The following COL6A6 variants were observed in gnomAD, a reference collection of about 807,000 sequenced individuals.
The protein encoded by COL6A6 is collagen alpha-6(VI) chain.
In COL6A6, 183 loss-of-function variants were observed where a neutral mutation model predicts 208.6. That is an observed-to-expected ratio of 0.88 (90% CI 0.78 to 0.99). COL6A6 has a LOEUF of 0.99. Ranked by LOEUF, COL6A6 falls within the 50% of genes least tolerant of loss-of-function variation. COL6A6 has a pLI of 0.00. For missense variants in COL6A6, 2,816 were observed against 2,815.2 expected, an observed-to-expected ratio of 1.00 and a Z score of -0.01; for synonymous variants, 973 against 1,011.8, an observed-to-expected ratio of 0.96 and a Z score of 0.73.
Position 130,543,360 on chromosome 3 carries a change from C to T in COL6A6, c.-31-16974C>T, listed in dbSNP as rs188812560. ...CAAATGATTATTGATATAGTTGCAT[C>T]AATAACTACCATATTTGTTACTTGT... On this transcript the variant is annotated intron_variant, in intron 1 of 36. Coordinates refer to ENST00000358511, the MANE Select transcript of COL6A6 (RefSeq NM_001102608.3). Among the ~76,000 whole-genome samples the T allele has an allele frequency of 2.1e-4, 32 of 152,324 alleles. No individual in the cohort carries two copies. In the East Asian group the frequency reaches 5.6e-3, roughly 27 times the overall value.
intron 35 of COL6A6, among the ~76,000 whole-genome samples, chr3:130,664,087 C>G (rs1045857444): frequency 1.3e-5 from 2 of 152,318 alleles, no homozygotes; most frequent in South Asian, 2.1e-4. Context: ...GTCTTCTGGT[C>G]TAGCTCCCTC....
In COL6A6 at chr3:130,649,539, C is replaced by T; in HGVS notation, c.5710C>T (p.Pro1904Ser). Reference sequence around the variant, plus strand: ...CGTGGTGATCACTTTCAGCAACGTGCCCTCGGTCAGGCGCGCATTTGCGGT... The same window carrying T: ...CGTGGTGATCACTTTCAGCAACGTGTCCTCGGTCAGGCGCGCATTTGCGGT... Reference protein sequence around the residue: ...IPVVITFSNVPSVRRAFAIDD... With the variant: ...IPVVITFSNVSSVRRAFAIDD... The change falls in exon 33 of 37, where the codon CCC becomes TCC. Residue 1904 changes from proline (P) to serine (S), a missense_variant. Pro to Ser is a moderately conservative substitution (Grantham distance 74). Coordinates refer to ENST00000358511, the MANE Select transcript of COL6A6 (RefSeq NM_001102608.3). 1 of 1,595,634 alleles carries T rather than the reference C, an allele frequency of 6.3e-7. No individual in the cohort carries two copies. The highest frequency in any genetic ancestry group is 8.5e-7 in the Non-Finnish European group (1 of 1,170,806).
intron 15 of COL6A6, 78 bp from the exon 16 acceptor site, chr3:130,592,983 A>G: frequency 7.5e-7 from 1 of 1,334,226 alleles, no homozygotes; most frequent in South Asian, 1.2e-5. Flanking sequence ...AAACACAAAA[A>G]TAGAGTTTTT....
chr3:130,628,046 G>C (rs962313629), intron 26 of COL6A6, among the ~76,000 whole-genome samples: 5 of 152,198 alleles, frequency 3.3e-5, no homozygotes, highest in Non-Finnish European at 5.9e-5. Flanking sequence ...TAAATGGAGA[G>C]GCATTCCAAG....
At chr3:130,540,200 A>T (rs1288691079) in intron 1 of COL6A6, among the ~76,000 whole-genome samples, 1 of 152,204 alleles carries the variant, frequency 6.6e-6, no homozygotes, top group Non-Finnish European at 1.5e-5. Flanking sequence ...TTTTTAGAGC[A>T]GTTTTAGCAT....
At chr3:130,595,809 G>T (rs937776017) in intron 18 of COL6A6, among the ~76,000 whole-genome samples, 1 of 151,980 alleles carries the variant, frequency 6.6e-6, no homozygotes, top group Non-Finnish European at 1.5e-5. Context: ...TTTATATTGG[G>T]TCTATATTTT....
At chr3:130,568,864 G>C (rs1343885295) in intron 6 of COL6A6, among the ~76,000 whole-genome samples, 3 of 152,160 alleles carry the variant, frequency 2.0e-5, no homozygotes, top group African/African-American at 7.2e-5. Context: ...CCAGTTCTTA[G>C]ATCAGGTTCC....
In COL6A6 at chr3:130,649,204, A is replaced by G. The variant is rs1313902606; in HGVS notation, c.5375A>G (p.Asn1792Ser). 4 of 1,593,488 alleles carry G rather than the reference A, an allele frequency of 2.5e-6. No homozygotes were observed. Among genetic ancestry groups the G allele is most frequent in the Non-Finnish European group, 3.4e-6 (4 of 1,169,794 alleles). ...FLVRDIKVRENSCPVGAHIAI... is the reference protein window; with the variant it reads ...FLVRDIKVRESSCPVGAHIAI... ...GTGAGAGACATTAAGGTCCGGGAGAACAGCTGCCCCGTGGGAGCGCACATC... is the reference window on the plus strand; with the variant it reads ...GTGAGAGACATTAAGGTCCGGGAGAGCAGCTGCCCCGTGGGAGCGCACATC... The change falls in exon 33 of 37, where the codon AAC becomes AGC. Residue 1792 changes from asparagine to serine, a missense_variant. By Grantham distance (46) the Asn-to-Ser change is conservative (BLOSUM62 1). Transcript: ENST00000358511.
intron 33 of COL6A6, among the ~76,000 whole-genome samples, chr3:130,654,794 T>C (rs947129074): frequency 6.6e-6 from 1 of 152,200 alleles, no homozygotes; most frequent in Non-Finnish European, 1.5e-5. Flanking sequence ...CGGGGTCTTA[T>C]TATTACTCAA....
In COL6A6 at chr3:130,594,315, G is replaced by A. The variant is rs775190951; in HGVS notation, c.4505G>A (p.Arg1502His). The change falls in exon 18 of 37, where the codon CGT (arginine) becomes CAT (histidine). Residue 1502 changes from arginine to histidine, a missense_variant. Coordinates refer to ENST00000358511, the MANE Select transcript of COL6A6 (RefSeq NM_001102608.3). ...GGGAAGAGAGGGACTCCTGGTGACC[G>A]TGGAGCAAAGGGCCTGCGAGGGGAT... The part of the protein sequence containing the change: ...SPGKRGTPGD[R>H]GAKGLRGDPG... 64 of 1,613,270 alleles carry A rather than the reference G, an allele frequency of 4.0e-5. No individual in the cohort carries two copies. The highest frequency in any genetic ancestry group is 8.8e-5 in the South Asian group (8 of 90,992).
At chr3:130,587,880 G>A (rs1266920648) in intron 11 of COL6A6, among the ~76,000 whole-genome samples, 1 of 152,028 alleles carries the variant, frequency 6.6e-6, no homozygotes, top group Non-Finnish European at 1.5e-5. Context: ...TTTTTTTCCT[G>A]TCGACTACTG....
At chr3:130,527,296 T>A (rs769144819) in intron 1 of COL6A6, among the ~76,000 whole-genome samples, 92 of 152,370 alleles carry the variant, frequency 6.0e-4, no homozygotes, top group Admixed American at 1.4e-3. Flanking sequence ...AGATAACTAA[T>A]CTTGACTCAC....
chr3:130,652,043 G>A (rs1050527585), intron 33 of COL6A6, among the ~76,000 whole-genome samples: 1 of 152,110 alleles, frequency 6.6e-6, no homozygotes, highest in African/African-American at 2.4e-5. Context: ...CCCCATTAAT[G>A]TAAGCAGCAT....
intron 33 of COL6A6, among the ~76,000 whole-genome samples, chr3:130,650,324 T>G (rs1391809476): frequency 6.6e-6 from 1 of 151,988 alleles, no homozygotes; most frequent in Non-Finnish European, 1.5e-5. Context: ...ATTGGAAAAT[T>G]TAAATTAAAA....
rs2062947514 is a variant in COL6A6 at position 130,563,622 on chromosome 3, A to G, written c.619A>G (p.Ile207Val). The part of the protein sequence containing the change: ...QNMTHIIKDV[I>V]KYKEGAVDDI... The stretch of plus-strand genomic sequence containing the variant: ...CATGACACACATCATCAAGGATGTA[A>G]TAAAGTACAAGGAGGGAGCAGTTGA... Residue 207 changes from isoleucine to valine, a missense_variant, in exon 3 of 37, where the codon ATA (isoleucine) becomes GTA (valine). Physicochemically the swap from Ile to Val is conservative, Grantham distance 29. Coordinates refer to ENST00000358511, the MANE Select transcript of COL6A6 (RefSeq NM_001102608.3). 1 of 1,613,884 alleles carries G rather than the reference A, an allele frequency of 6.2e-7. No individual in the cohort carries two copies. The highest frequency in any genetic ancestry group is 1.1e-5 in the South Asian group (1 of 91,070).
chr3:130,555,444 T>C (rs1327564024), intron 1 of COL6A6, among the ~76,000 whole-genome samples: 1 of 152,102 alleles, frequency 6.6e-6, no homozygotes, highest in Non-Finnish European at 1.5e-5. Context: ...TGTGTCAGTC[T>C]CCCCAGTGTC....
At position 130,669,398 on chromosome 3, in the gene COL6A6, A is replaced by T. The variant is rs999315736; in HGVS notation, c.6596+4302A>T. 8.6e-5 allele frequency among the ~76,000 whole-genome samples: 13 copies of T among 151,814 alleles called. No individual in the cohort carries two copies. The South Asian group carries it at 1.0e-3, about 12-fold the overall frequency. ...CAAGAGTGAGACTCTGTCTCAAAAA[A>T]ATATATATATAAATAAAAATAAAAT... On this transcript the variant is annotated intron_variant, in intron 36 of 36. Coordinates refer to ENST00000358511, the MANE Select transcript of COL6A6 (RefSeq NM_001102608.3).
chr3:130,562,878 A>C (rs1387597106), intron 2 of COL6A6, among the ~76,000 whole-genome samples, 190 bp from the exon 3 acceptor site: 1 of 152,236 alleles, frequency 6.6e-6, no homozygotes, highest in Non-Finnish European at 1.5e-5. Context: ...GTTGTTTAAA[A>C]GAATCAGCCC....
Position 130,584,700 on chromosome 3 carries a change from C to T in COL6A6, c.3971-1806C>T, listed in dbSNP as rs969665179. 7.9e-5 allele frequency among the ~76,000 whole-genome samples: 12 copies of T among 152,002 alleles called. No homozygotes were observed. The East Asian group carries it at 1.5e-3, about 20-fold the overall frequency. ...TGCCATCTCGGCTCACTGCAAGCTC[C>T]GCCTCCCAGGTTCAAGTGATTCTCG... is the stretch of plus-strand genomic sequence containing the variant. On this transcript the variant is annotated intron_variant, in intron 10 of 36. Transcript: ENST00000358511.
Sources: allele counts gnomAD v4.1 joint callset (sites outside exome capture counted in the v4.1 genomes callset), GRCh38; gene constraint gnomAD v4.1.1; transcripts MANE v1.5; gene names NCBI Gene and HGNC (gene_info 2026-07-23, HGNC 2026-07-21).